PBX3: variants seen among roughly 807,000 people sequenced by gnomAD.
PBX3 encodes the protein pre-B-cell leukemia transcription factor 3.
A neutral mutation model predicts 48.5 loss-of-function variants in PBX3; 14 were observed. That is an observed-to-expected ratio of 0.29 (90% CI 0.19 to 0.45). The LOEUF (loss-of-function observed/expected upper bound fraction) is 0.45, where lower values mean the gene tolerates loss of function less well. Ranked by LOEUF, PBX3 falls within the 20% of genes least tolerant of loss-of-function variation. The pLI, the probability that PBX3 is intolerant of heterozygous loss-of-function variation, is 1.00. For missense variants in PBX3, 386 were observed against 546.7 expected (o/e 0.71, Z 2.93); for synonymous variants, 210 against 200.3 (o/e 1.05, Z -0.41).
At chr9:125,902,545 T>C (rs2132427225) in intron 2 of PBX3, among the ~76,000 whole-genome samples, 1 of 151,794 alleles carries the variant, frequency 6.6e-6, no homozygotes, top group Non-Finnish European at 1.5e-5. Flanking sequence ...CAGATTTAAT[T>C]TGTAGTATCA....
chr9:125,927,923 G>A (rs889173989), intron 3 of PBX3, among the ~76,000 whole-genome samples: 3 of 152,154 alleles, frequency 2.0e-5, no homozygotes, highest in Non-Finnish European at 1.5e-5. Context: ...GCTCATGCCT[G>A]TAATCCTAGC....
At chr9:125,843,757 C>T (rs1360717567) in intron 2 of PBX3, 2 of 454,230 alleles carry the variant, frequency 4.4e-6, no homozygotes, top group East Asian at 1.4e-4. Context: ...AAGCTGAGCT[C>T]AGTGAAGGGA....
chr9:125,780,647 C>CA (rs1435917653), intron 2 of PBX3, among the ~76,000 whole-genome samples: 1 of 126,900 alleles, frequency 7.9e-6, no homozygotes, highest in Non-Finnish European at 1.7e-5. Flanking sequence ...GGGGGCTGAC[C>CA]CCCCCACCTC....
chr9:125,935,592 C>T lies in PBX3; in HGVS notation c.828C>T (p.Ser276=), dbSNP rs1841817722. The T allele has an allele frequency of 1.9e-6, 3 of 1,613,628 alleles. No homozygotes were observed. Among genetic ancestry groups the T allele is most frequent in the South Asian group, 1.1e-5 (1 of 91,054 alleles). The change falls in exon 5 of 9, where the codon AGC becomes AGT. Residue 276 remains serine (S), a synonymous_variant. Coordinates refer to ENST00000373489, the MANE Select transcript of PBX3 (RefSeq NM_006195.6). The part of the protein sequence containing the change: ...EAKEELAKKC[S]ITVSQVSNWF... Reference sequence around the variant, plus strand: ...AAGAGGAGCTGGCCAAGAAATGCAGCATCACAGTGTCACAGGTGAGAAAGG... The same window carrying T: ...AAGAGGAGCTGGCCAAGAAATGCAGTATCACAGTGTCACAGGTGAGAAAGG...
intron 2 of PBX3, among the ~76,000 whole-genome samples, chr9:125,780,580 T>A (rs1232103414): frequency 1.9e-5 from 2 of 107,222 alleles, no homozygotes; most frequent in Admixed American, 9.5e-5. Flanking sequence ...CACTTCCCAG[T>A]AGGGGAGGCT....
intron 2 of PBX3, among the ~76,000 whole-genome samples, chr9:125,812,806 ATG>A (rs1267819763): frequency 6.6e-6 from 1 of 152,256 alleles, no homozygotes; most frequent in Non-Finnish European, 1.5e-5. Context: ...ACAGCATGTT[ATG>A]TGCTGAATAC....
intron 5 of PBX3, among the ~76,000 whole-genome samples, chr9:125,939,248 C>T (rs1350778269): frequency 6.6e-6 from 1 of 151,872 alleles, no homozygotes. Flanking sequence ...ATATAAGGAA[C>T]TCCTATAAAT....
chr9:125,886,516 G>A (rs1840505817), intron 2 of PBX3, among the ~76,000 whole-genome samples: 1 of 152,090 alleles, frequency 6.6e-6, no homozygotes, highest in Non-Finnish European at 1.5e-5. Context: ...ATGTGTTTTT[G>A]TGCTTTTCCT....
intron 2 of PBX3, among the ~76,000 whole-genome samples, chr9:125,893,717 G>A (rs189793140): frequency 1.4e-4 from 21 of 152,220 alleles, no homozygotes; most frequent in Non-Finnish European, 1.6e-4. Context: ...TCATGATTTG[G>A]CATGTTGATG....
chr9:125,780,627 T>TG (rs1837249916), intron 2 of PBX3, among the ~76,000 whole-genome samples: 2 of 108,398 alleles, frequency 1.8e-5, no homozygotes, highest in African/African-American at 7.2e-5. Flanking sequence ...ACGGGGCGGC[T>TG]GGCCGGGCGG....
chr9:125,958,883 TCCTC>T (rs1403936313), intron 5 of PBX3, among the ~76,000 whole-genome samples: 1 of 152,126 alleles, frequency 6.6e-6, no homozygotes, highest in Non-Finnish European at 1.5e-5. Flanking sequence ...CTCACTGTCT[TCCTC>T]TCTCTCTCTC....
chr9:125,787,700 T>C (rs779918472), intron 2 of PBX3, among the ~76,000 whole-genome samples: 1 of 152,142 alleles, frequency 6.6e-6, no homozygotes, highest in African/African-American at 2.4e-5. Flanking sequence ...GAGTGGCTGA[T>C]AGATGAGAAA....
intron 2 of PBX3, among the ~76,000 whole-genome samples, chr9:125,814,399 C>T (rs1465833974): frequency 1.3e-5 from 2 of 151,984 alleles, no homozygotes; most frequent in Non-Finnish European, 2.9e-5. Context: ...CAGAATGGAT[C>T]CAAATTGTTC....
At chr9:125,950,728 C>T (rs1385144825) in intron 5 of PBX3, among the ~76,000 whole-genome samples, 1 of 152,122 alleles carries the variant, frequency 6.6e-6, no homozygotes, top group African/African-American at 2.4e-5. Flanking sequence ...GTGATCCACC[C>T]ACTTCTGCTT....
At chr9:125,928,797 G>A (rs1841647421) in intron 3 of PBX3, among the ~76,000 whole-genome samples, 1 of 152,140 alleles carries the variant, frequency 6.6e-6, no homozygotes, top group Non-Finnish European at 1.5e-5. Flanking sequence ...TTGAGACCCA[G>A]ATCTGATCCT....
intron 2 of PBX3, among the ~76,000 whole-genome samples, chr9:125,751,142 A>C (rs932750287): frequency 6.6e-6 from 1 of 152,190 alleles, no homozygotes; most frequent in African/African-American, 2.4e-5. Context: ...AATACCTAAA[A>C]ATTAATTCTT....
intron 2 of PBX3, among the ~76,000 whole-genome samples, chr9:125,810,709 G>A (rs1327222346): frequency 6.6e-6 from 1 of 152,068 alleles, no homozygotes; most frequent in African/African-American, 2.4e-5. Flanking sequence ...ATTCTTTGCA[G>A]CCAGAGCTCA....
intron 8 of PBX3, 81 bp from the exon 9 acceptor site, chr9:125,965,750 T>C (rs1172749706): frequency 1.5e-5 from 16 of 1,039,226 alleles, no homozygotes; most frequent in Non-Finnish European, 7.6e-6. Context: ...TCTGCTCTCA[T>C]GTTGTCATCC....
intron 2 of PBX3, chr9:125,749,345 T>G (rs1564636137): frequency 6.6e-6 from 1 of 152,210 alleles, no homozygotes; most frequent in Non-Finnish European, 1.5e-5. Flanking sequence ...AAACTACAGG[T>G]ACATATTTGG....
Sources: gnomAD v4.1 joint callset for allele counts (sites outside exome capture counted in the v4.1 genomes callset) on GRCh38, gnomAD v4.1.1 for gene constraint, MANE v1.5 for transcripts, NCBI Gene and HGNC (gene_info 2026-07-23, HGNC 2026-07-21) for gene names.